Variants in HAT1 observed in about 807,000 individuals in gnomAD.
HAT1 encodes the protein histone acetyltransferase 1.
A neutral mutation model predicts 56.6 loss-of-function variants in HAT1; 20 were observed. The observed-to-expected ratio is 0.35, with a 90% CI of 0.25 to 0.51. The LOEUF (loss-of-function observed/expected upper bound fraction) is 0.51, where lower values mean the gene tolerates loss of function less well. Among genes scored for constraint, HAT1 ranks in the 20% least tolerant of loss-of-function variants. The pLI is 0.95. For missense variants in HAT1, 408 were observed against 504.3 expected (o/e 0.81, Z 1.83); for synonymous variants, 146 against 165.5 (o/e 0.88, Z 0.91).
At chr2:171,979,413 CAGA>C (rs1160521463) in intron 10 of HAT1, 50 bp downstream of exon 10, 5 of 911,328 alleles carry the variant, frequency 5.5e-6, no homozygotes, top group Non-Finnish European at 9.1e-6. Flanking sequence ...CTGTTTAAAA[CAGA>C]AGAAAAGCTA....
chr2:171,961,196 T>G (rs571718735), intron 4 of HAT1, among the ~76,000 whole-genome samples: 38 of 152,044 alleles, frequency 2.5e-4, no homozygotes, highest in Non-Finnish European at 4.9e-4. Context: ...TCCCAGCTAC[T>G]TGGAAGGCTG....
intron 2 of HAT1, among the ~76,000 whole-genome samples, chr2:171,930,788 T>A (rs1686723700): frequency 6.6e-6 from 1 of 151,956 alleles, no homozygotes; most frequent in Non-Finnish European, 1.5e-5. Context: ...CAAAATTTTT[T>A]TTTTTTTCTA....
At chr2:171,962,695 G>A (rs1056162698) in intron 4 of HAT1, among the ~76,000 whole-genome samples, 1 of 151,998 alleles carries the variant, frequency 6.6e-6, no homozygotes, top group Non-Finnish European at 1.5e-5. Flanking sequence ...TGCCCAGCCT[G>A]GTGTCTTTTT....
intron 2 of HAT1, among the ~76,000 whole-genome samples, chr2:171,943,282 G>C (rs1159839210): frequency 2.7e-5 from 4 of 150,234 alleles, no homozygotes; most frequent in Non-Finnish European, 5.9e-5. Flanking sequence ...TGGGTGGCGG[G>C]TGCCTGTAAT....
At chr2:171,973,174 G>T (rs557439628) in intron 8 of HAT1, among the ~76,000 whole-genome samples, 1 of 152,230 alleles carries the variant, frequency 6.6e-6, no homozygotes, top group East Asian at 1.9e-4. Context: ...ACTTGGAGCT[G>T]TGCGTTGATC....
At chr2:171,969,296 C>G (rs1164781649) in intron 8 of HAT1, among the ~76,000 whole-genome samples, 1 of 152,044 alleles carries the variant, frequency 6.6e-6, no homozygotes, top group Non-Finnish European at 1.5e-5. Flanking sequence ...TTTAAATGTA[C>G]TTTATTGTTC....
At position 171,978,443 on chromosome 2, in the gene HAT1, T is replaced by C. The variant is rs12621464; in HGVS notation, c.976-804T>C. Among the ~76,000 whole-genome samples the C allele has an allele frequency of 2.8e-4, 42 of 152,326 alleles. 1 individual carries two copies. In the East Asian group the frequency reaches 7.3e-3, roughly 27 times the overall value. Reference sequence around the variant, plus strand: ...CCTCAGGTGACCTTAACCAGCCTTATGGTTTTAACTCTTACCTATATACTG... The same window carrying C: ...CCTCAGGTGACCTTAACCAGCCTTACGGTTTTAACTCTTACCTATATACTG... On this transcript the variant is annotated intron_variant, in intron 9 of 10. Transcript: ENST00000264108.
rs1687931135 is a variant in HAT1, at chr2:171,975,287, T to G, written c.824-870T>G. On this transcript the variant is annotated intron_variant, in intron 8 of 10. Transcript: ENST00000264108. ...TCATGGCTAATTTTTATATTTTTAG[T>G]AGAGATGGAGTTTCACCATGTTGGC... Among the ~76,000 whole-genome samples the G allele has an allele frequency of 2.0e-5, 3 of 152,048 alleles. No individual in the cohort carries two copies. The South Asian group carries it at 6.2e-4, about 32-fold the overall frequency.
At chr2:171,977,549 A>T (rs1266016186) in intron 9 of HAT1, among the ~76,000 whole-genome samples, 3 of 14,148 alleles carry the variant, frequency 2.1e-4, no homozygotes, top group South Asian at 2.6e-3. Flanking sequence ...ATATATATAT[A>T]TATATATATT....
chr2:171,965,052 G>C (rs1427378030), intron 4 of HAT1: 1 of 284,696 alleles, frequency 3.5e-6, no homozygotes, highest in African/African-American at 2.2e-5. Flanking sequence ...GGTATAGTCA[G>C]CTGTTTCTGC....
intron 2 of HAT1, among the ~76,000 whole-genome samples, chr2:171,940,256 G>A (rs1686986008): frequency 6.6e-6 from 1 of 152,154 alleles, no homozygotes; most frequent in Admixed American, 6.5e-5. Context: ...GTATTCTCAT[G>A]CACATCCTCC....
intron 8 of HAT1, among the ~76,000 whole-genome samples, chr2:171,975,330 C>T (rs1274054918): frequency 6.6e-6 from 1 of 152,080 alleles, no homozygotes; most frequent in African/African-American, 2.4e-5. Context: ...GTCTCAAACT[C>T]CTGACCTCAG....
At chr2:171,962,592 C>G (rs1482458995) in intron 4 of HAT1, among the ~76,000 whole-genome samples, 1 of 152,142 alleles carries the variant, frequency 6.6e-6, no homozygotes, top group East Asian at 1.9e-4. Context: ...CAGGGTTTCA[C>G]CATGTTGGCC....
chr2:171,950,638 G>C (rs553213766), intron 3 of HAT1, among the ~76,000 whole-genome samples: 2 of 151,932 alleles, frequency 1.3e-5, no homozygotes, highest in Non-Finnish European at 2.9e-5. Context: ...CGAGTAGGTG[G>C]GACTATAGAC....
intron 4 of HAT1, among the ~76,000 whole-genome samples, chr2:171,960,997 C>T (rs1227783507): frequency 6.6e-6 from 1 of 152,028 alleles, no homozygotes; most frequent in Non-Finnish European, 1.5e-5. Context: ...CAAAAATTAG[C>T]CAGGTGTTGT....
intron 2 of HAT1, among the ~76,000 whole-genome samples, chr2:171,943,293 CCCAGCTACTTG>C: frequency 6.6e-6 from 1 of 150,432 alleles, no homozygotes; most frequent in South Asian, 2.1e-4. Flanking sequence ...TGCCTGTAAT[CCCAGCTACTTG>C]GGAGGCTGAG....
At chr2:171,975,939 T>C (rs1687950307) in intron 8 of HAT1, among the ~76,000 whole-genome samples, 1 of 149,230 alleles carries the variant, frequency 6.7e-6, no homozygotes. Flanking sequence ...TCTTAGGTTA[T>C]ATTGATTTGA....
At chr2:171,950,490 G>A (rs534430077) in intron 3 of HAT1, among the ~76,000 whole-genome samples, 3 of 151,050 alleles carry the variant, frequency 2.0e-5, no homozygotes, top group South Asian at 4.2e-4. Flanking sequence ...CATATTTAAT[G>A]TGTGGCTTTT....
At chr2:171,966,554 A>G (rs759638400) in intron 7 of HAT1, 41 bp downstream of exon 7, 4 of 891,042 alleles carry the variant, frequency 4.5e-6, no homozygotes, top group Non-Finnish European at 7.7e-6. Context: ...TTTATTTCAG[A>G]AGAAGGAACT....
Sources: allele counts gnomAD v4.1 joint callset (sites outside exome capture counted in the v4.1 genomes callset), GRCh38; gene constraint gnomAD v4.1.1; transcripts MANE v1.5; gene names NCBI Gene and HGNC (gene_info 2026-07-23, HGNC 2026-07-21).